TTLL4: variants seen among roughly 807,000 people sequenced by gnomAD.
TTLL4 encodes tubulin monoglutamylase TTLL4.
In TTLL4, 85 loss-of-function variants were observed where a neutral mutation model predicts 122.7. The observed-to-expected ratio is 0.69, with a 90% CI of 0.58 to 0.83. TTLL4 has a LOEUF of 0.83. Among genes scored for constraint, TTLL4 ranks in the 40% least tolerant of loss-of-function variants. The probability of loss-of-function intolerance (pLI) is 0.00; values close to 1 mark genes in which losing one functional copy is unlikely to be tolerated. For synonymous variants in TTLL4, 553 were observed against 563.0 expected, an observed-to-expected ratio of 0.98 and a Z score of 0.25; for missense variants, 1,363 against 1,488.6, an observed-to-expected ratio of 0.92 and a Z score of 1.39.
chr2:218,751,897 TTCTTTTCTTTTTC>T (rs1208820422), intron 16 of TTLL4, 91 bp downstream of exon 16: 4 of 730,334 alleles, frequency 5.5e-6, no homozygotes, highest in South Asian at 2.2e-5. Flanking sequence ...CTTTTTTTTT[TTCTTTTCTTTTTC>T]TTTTTTTTTT....
intron 1 of TTLL4, among the ~76,000 whole-genome samples, chr2:218,713,548 G>A (rs1941775363): frequency 6.6e-6 from 1 of 152,146 alleles, no homozygotes; most frequent in African/African-American, 2.4e-5. Flanking sequence ...CCAAAGTGCT[G>A]GGATTACAGG....
At chr2:218,731,138 C>A (rs545820057) in intron 2 of TTLL4, among the ~76,000 whole-genome samples, 1 of 151,372 alleles carries the variant, frequency 6.6e-6, no homozygotes, top group Middle Eastern at 3.4e-3. Context: ...TGGCTGGGCA[C>A]GGTGGCTCAC....
intron 2 of TTLL4, among the ~76,000 whole-genome samples, chr2:218,728,865 C>T (rs544060500): frequency 1.3e-5 from 2 of 151,136 alleles, no homozygotes; most frequent in African/African-American, 2.4e-5. Flanking sequence ...TTTCTCTCTT[C>T]AGGCACTCTT....
chr2:218,711,531 A>G (rs534084908), intron 1 of TTLL4, among the ~76,000 whole-genome samples: 1 of 152,240 alleles, frequency 6.6e-6, no homozygotes, highest in Non-Finnish European at 1.5e-5. Context: ...TTAATTCTTC[A>G]TTCATCAATT....
At chr2:218,729,752 AAAAAAAAAAAC>A (rs1175466680) in intron 2 of TTLL4, among the ~76,000 whole-genome samples, 4 of 102,616 alleles carry the variant, frequency 3.9e-5, no homozygotes, top group African/African-American at 9.5e-5. Context: ...TCTTTTTAAA[AAAAAAAAAAAC>A]AAAAAAAAAA....
intron 13 of TTLL4, 80 bp from the exon 14 acceptor site, chr2:218,749,173 G>T: frequency 6.4e-7 from 1 of 1,569,452 alleles, no homozygotes. Context: ...CTATCTCTGG[G>T]CCACTCTTTT....
intron 8 of TTLL4, chr2:218,746,733 G>T: frequency 6.0e-6 from 3 of 496,482 alleles, no homozygotes. Context: ...ATCCCATAGG[G>T]TTTCATGGAT....
chr2:218,745,592 C>T, intron 6 of TTLL4, 99 bp from the exon 7 acceptor site: 1 of 826,706 alleles, frequency 1.2e-6, no homozygotes, highest in South Asian at 1.6e-5. Flanking sequence ...CTTGCCTGCC[C>T]AGGGAAGAAT....
At chr2:218,720,207 C>A (rs1223838930) in intron 1 of TTLL4, among the ~76,000 whole-genome samples, 1 of 151,980 alleles carries the variant, frequency 6.6e-6, no homozygotes, top group Non-Finnish European at 1.5e-5. Flanking sequence ...GACGACAAAT[C>A]TGCAAAATGA....
chr2:218,725,540 A>G (rs951171237), intron 1 of TTLL4, among the ~76,000 whole-genome samples: 8 of 151,982 alleles, frequency 5.3e-5, no homozygotes, highest in African/African-American at 1.9e-4. Context: ...TTGTGTCTCA[A>G]TTTACATATT....
Position 218,745,676 on chromosome 2 carries a change from T to G in TTLL4, c.1787-15T>G. On this transcript the variant is annotated splice_polypyrimidine_tract_variant and intron_variant, in intron 6 of 19. Transcript: ENST00000392102. ...TCTCCATCCCCCATCCCCACACCCCTTGCATTCTTCCCAGTGGAGAAACTT... is the reference window on the plus strand; with the variant it reads ...TCTCCATCCCCCATCCCCACACCCCGTGCATTCTTCCCAGTGGAGAAACTT... The G allele has an allele frequency of 2.0e-6, 3 of 1,505,446 alleles. No homozygotes were observed. The highest frequency in any genetic ancestry group is 2.8e-6 in the Non-Finnish European group (3 of 1,089,582). 93.3% of individuals were successfully genotyped at this position (1,505,446 alleles called of 1,614,324 possible). A position where few individuals can be genotyped will look rare whatever the true frequency, so the allele number is the denominator to read the frequency against.
At position 218,755,011 on chromosome 2, in the gene TTLL4, A is replaced by AC. The variant is rs1249106121; in HGVS notation, c.*628dup. On this transcript the variant is annotated 3_prime_UTR_variant, in exon 20 of 20. Coordinates refer to ENST00000392102, the MANE Select transcript of TTLL4 (RefSeq NM_014640.5). Reference sequence around the variant, plus strand: ...AGCAGCCCTAGGTCTTCCTGTTCTGACCCCCCATCACTGCTCGTTCAGCCT... The same window carrying AC: ...AGCAGCCCTAGGTCTTCCTGTTCTGACCCCCCCATCACTGCTCGTTCAGCCT... 2 of 151,666 alleles carry AC rather than the reference A, an allele frequency of 1.3e-5. No individual in the cohort carries two copies. Among genetic ancestry groups the AC allele is most frequent in the Non-Finnish European group, 2.9e-5 (2 of 68,372 alleles). 9.4% of individuals were successfully genotyped at this position (151,666 alleles called of 1,614,324 possible).
At chr2:218,720,356 G>A (rs1941995769) in intron 1 of TTLL4, among the ~76,000 whole-genome samples, 1 of 152,190 alleles carries the variant, frequency 6.6e-6, no homozygotes, top group African/African-American at 2.4e-5. Flanking sequence ...GTGGCAGAGT[G>A]CACGCACTGA....
In TTLL4 at chr2:218,749,439, G is replaced by A. The variant is rs565414017; in HGVS notation, c.2735+52G>A. On this transcript the variant is annotated intron_variant, in intron 14 of 19. Coordinates refer to ENST00000392102, the MANE Select transcript of TTLL4 (RefSeq NM_014640.5). ...CATAGAATCCTTCCATTATTCTCACGCTCCCATTGCCACTCCAGTAAGTTG... is the reference window on the plus strand; with the variant it reads ...CATAGAATCCTTCCATTATTCTCACACTCCCATTGCCACTCCAGTAAGTTG... The A allele has an allele frequency of 1.8e-5, 28 of 1,595,692 alleles. No homozygotes were observed. In the South Asian group the frequency reaches 2.4e-4, roughly 13 times the overall value.
chr2:218,747,487 T>G lies in TTLL4; in HGVS notation c.2250-110T>G, dbSNP rs115570749. Reference sequence around the variant, plus strand: ...CAGCCAAAGAGCTTCCTTAGCCAACTGTTCTAAGGTCTTTATCTTGGGGAC... The same window carrying G: ...CAGCCAAAGAGCTTCCTTAGCCAACGGTTCTAAGGTCTTTATCTTGGGGAC... On this transcript the variant is annotated intron_variant, in intron 10 of 19. Coordinates refer to ENST00000392102, the MANE Select transcript of TTLL4 (RefSeq NM_014640.5). The surrounding 1 kb of genome is among the most constrained non-coding windows in gnomAD (Gnocchi z 4.7). 1,877 of 1,561,374 alleles carry G rather than the reference T, an allele frequency of 1.2e-3. 22 individuals are homozygous for G. In the African/African-American group the frequency reaches 0.024, roughly 20 times the overall value.
chr2:218,748,271 A>G, intron 12 of TTLL4, 44 bp downstream of exon 12: 1 of 1,611,278 alleles, frequency 6.2e-7, no homozygotes, highest in Non-Finnish European at 8.5e-7. Context: ...GCCTAGAGGA[A>G]TACAGGGTTC....
intron 1 of TTLL4, among the ~76,000 whole-genome samples, chr2:218,718,974 T>A (rs1026802679): frequency 2.0e-5 from 3 of 152,166 alleles, no homozygotes; most frequent in African/African-American, 7.2e-5. Flanking sequence ...TTTCAGGCCA[T>A]TTTGTTGATC....
chr2:218,734,950 A>G (rs1291798360), intron 2 of TTLL4, among the ~76,000 whole-genome samples: 1 of 152,034 alleles, frequency 6.6e-6, no homozygotes, highest in Non-Finnish European at 1.5e-5. Flanking sequence ...GTGGTGGTCC[A>G]TTTTCTGTAA....
rs1559372502 is a variant in TTLL4, at chr2:218,747,468, A to G, written c.2249+96A>G. On this transcript the variant is annotated intron_variant, in intron 10 of 19. Transcript: ENST00000392102. The surrounding 1 kb of genome is among the most constrained non-coding windows in gnomAD (Gnocchi z 4.7). ...GTTCTGCCCTTTGTTCTCCCAGCCA[A>G]AGAGCTTCCTTAGCCAACTGTTCTA... The G allele has an allele frequency of 1.3e-6, 2 of 1,570,410 alleles. No homozygotes were observed. Among genetic ancestry groups the G allele is most frequent in the Non-Finnish European group, 1.7e-6 (2 of 1,154,994 alleles).
Sources: allele counts gnomAD v4.1 joint callset (sites outside exome capture counted in the v4.1 genomes callset), GRCh38; gene constraint gnomAD v4.1.1; non-coding constraint Gnocchi (gnomAD v3.1); transcripts MANE v1.5; gene names NCBI Gene and HGNC (gene_info 2026-07-23, HGNC 2026-07-21).